PARP1: variants seen among roughly 807,000 people sequenced by gnomAD.
PARP1 encodes poly(ADP-ribose) polymerase 1.
PARP1 carries 44 observed loss-of-function variants against 118.7 expected under a neutral mutation model. The observed-to-expected ratio is 0.37, with a 90% CI of 0.29 to 0.48. PARP1 has a LOEUF of 0.48. Among genes scored for constraint, PARP1 ranks in the 20% least tolerant of loss-of-function variants. The pLI is 0.99. For missense variants in PARP1, 1,100 were observed against 1,272.4 expected (o/e 0.86, Z 2.06); for synonymous variants, 492 against 483.2 (o/e 1.02, Z -0.24).
intron 1 of PARP1, among the ~76,000 whole-genome samples, chr1:226,403,921 T>C (rs1186212989): frequency 2.6e-5 from 4 of 152,210 alleles, no homozygotes; most frequent in Non-Finnish European, 5.9e-5. Flanking sequence ...GGAAAAGCAA[T>C]GATAAGGTAC....
rs2102732419 is a variant in PARP1, at chr1:226,374,347, T to C, written c.1949A>G (p.Glu650Gly). The change falls in exon 14 of 23, where the codon GAG becomes GGG. Residue 650 changes from glutamate (E) to glycine (G), a missense_variant. By Grantham distance (98) the Glu-to-Gly change is moderately conservative. This residue lies in a region of PARP1 where 948 missense variants were observed against 1,031.8 expected (regional missense o/e 0.92). Transcript: ENST00000366794. Reference sequence around the variant, plus strand: ...ATTTACTGTCAGCTTCTTCACTGCCTCTTCATCCTTCAGGAAAAAAGCACA... The same window carrying C: ...ATTTACTGTCAGCTTCTTCACTGCCCCTTCATCCTTCAGGAAAAAAGCACA... ...PLEIDYGQDEEAVKKLTVNPG... is the reference protein window; with the variant it reads ...PLEIDYGQDEGAVKKLTVNPG... 6.2e-7 allele frequency: 1 copy of C among 1,614,194 alleles called. No homozygotes were observed. Among genetic ancestry groups the C allele is most frequent in the South Asian group, 1.1e-5 (1 of 91,086 alleles).
rs757894757 is a variant in PARP1 at position 226,379,175 on chromosome 1, T to C, written c.1712A>G (p.Lys571Arg). The change falls in exon 12 of 23, where the codon AAG (lysine) becomes AGG (arginine). Residue 571 changes from lysine to arginine, a missense_variant. This residue lies in a region of PARP1 where 948 missense variants were observed against 1,031.8 expected (regional missense o/e 0.92). Coordinates refer to ENST00000366794, the MANE Select transcript of PARP1 (RefSeq NM_001618.4). ...CTTGTCGTCCTCCAGAAGCTGCAGC[T>C]TGTAGTAGGAGTTGGTTCCTTTAAC... ...DIVKGTNSYY[K>R]LQLLEDDKEN... 1 of 1,614,194 alleles carries C rather than the reference T, an allele frequency of 6.2e-7. No homozygotes were observed. The highest frequency in any genetic ancestry group is 8.5e-7 in the Non-Finnish European group (1 of 1,180,022).
At chr1:226,401,885 A>C in intron 2 of PARP1, 1 of 1,027,100 alleles carries the variant, frequency 9.7e-7, no homozygotes, top group East Asian at 2.7e-5. Context: ...GTTGACAAGG[A>C]AGAGCCTGTG....
In PARP1 at chr1:226,367,706, C is replaced by A. The variant is rs966557568; in HGVS notation, c.2278-98G>T. ...AAACCTACATGCAGAGAAGGTCCAA[C>A]ACAGTGAATGGCAAACCCTCCTGCT... On this transcript the variant is annotated intron_variant, in intron 16 of 22. Transcript: ENST00000366794. 1.5e-5 allele frequency: 21 copies of A among 1,391,212 alleles called. No homozygotes were observed. The Admixed American group carries it at 2.2e-4, about 15-fold the overall frequency. The allele number at this position is 1,391,212 out of a possible 1,614,324, so 86.2% of individuals were successfully genotyped here.
chr1:226,390,014 C>A (rs1255795694), intron 4 of PARP1, among the ~76,000 whole-genome samples: 1 of 152,188 alleles, frequency 6.6e-6, no homozygotes, highest in African/African-American at 2.4e-5. Flanking sequence ...AAAATGGTCA[C>A]CATTCTCCCA....
intron 2 of PARP1, among the ~76,000 whole-genome samples, chr1:226,393,326 A>C (rs931787823): frequency 1.3e-5 from 2 of 152,234 alleles, no homozygotes; most frequent in Non-Finnish European, 2.9e-5. Flanking sequence ...AAATCAAAGA[A>C]GACCTAAATA....
intron 2 of PARP1, among the ~76,000 whole-genome samples, chr1:226,397,725 G>GT (rs1664952438): frequency 6.6e-6 from 1 of 152,254 alleles, no homozygotes; most frequent in Admixed American, 6.5e-5. Flanking sequence ...TGCCATGACA[G>GT]TAACAAGGTT....
At chr1:226,392,689 A>G (rs1664842614) in intron 2 of PARP1, 2 of 540,784 alleles carry the variant, frequency 3.7e-6, no homozygotes, top group Admixed American at 7.3e-5. Context: ...TCTAATTTCC[A>G]TTATACTTCT....
At chr1:226,404,411 A>ACCCTTCCTGTGCAATGTTCCAGTTACCC in intron 1 of PARP1, among the ~76,000 whole-genome samples, 1 of 152,064 alleles carries the variant, frequency 6.6e-6, no homozygotes, top group Non-Finnish European at 1.5e-5. Flanking sequence ...CTGCTTGTCT[A>ACCCTTCCTGTGCAATGTTCCAGTTACCC]CCCCTTGTCT....
intron 2 of PARP1, chr1:226,401,926 CTT>C (rs1484639181): frequency 2.7e-5 from 38 of 1,408,712 alleles, no homozygotes; most frequent in South Asian, 3.1e-5. Context: ...ACTGGAAACT[CTT>C]TGTTCTTTGC....
chr1:226,401,846 A>G (rs1665043747), intron 2 of PARP1: 10 of 693,978 alleles, frequency 1.4e-5, no homozygotes, highest in Admixed American at 3.4e-5. Flanking sequence ...TTCCTCAATT[A>G]TAACAAATGT....
At position 226,368,449 on chromosome 1, in the gene PARP1, G is replaced by A. The variant is rs1805402; in HGVS notation, c.2155-128C>T. The A allele has an allele frequency of 7.5e-3, 8,726 of 1,171,214 alleles. 376 individuals carry two copies. In the South Asian group the frequency reaches 0.076, roughly 10 times the overall value. The allele number at this position is 1,171,214 out of a possible 1,614,324, so 72.6% of individuals were successfully genotyped here. A position where few individuals can be genotyped will look rare whatever the true frequency, so the allele number is the denominator to read the frequency against. On this transcript the variant is annotated intron_variant, in intron 15 of 22. Coordinates refer to ENST00000366794, the MANE Select transcript of PARP1 (RefSeq NM_001618.4). Reference sequence around the variant, plus strand: ...GTAGCGTGGTATGTGCACATGCCAGGACACATGGGAAACGACCAGAAGACC... The same window carrying A: ...GTAGCGTGGTATGTGCACATGCCAGAACACATGGGAAACGACCAGAAGACC...
At position 226,380,046 on chromosome 1, in the gene PARP1, G is replaced by C; in HGVS notation, c.1419C>G (p.Phe473Leu). The C allele has an allele frequency of 2.5e-6, 4 of 1,614,228 alleles. No individual in the cohort carries two copies. The highest frequency in any genetic ancestry group is 1.7e-5 in the Admixed American group (1 of 60,032). ...CCCAAGGGGACAAGATGTGCGCTAAGAACAACTCCTGAAGGCTCTTGGTGG... is the reference window on the plus strand; with the variant it reads ...CCCAAGGGGACAAGATGTGCGCTAACAACAACTCCTGAAGGCTCTTGGTGG... The part of the protein sequence containing the change: ...SASTKSLQEL[F>L]LAHILSPWGA... Residue 473 changes from phenylalanine (F) to leucine (L), a missense_variant, in exon 10 of 23, where the codon TTC becomes TTG. Transcript: ENST00000366794.
intron 1 of PARP1, 82 bp downstream of exon 1, chr1:226,407,728 G>GGCCCCCCC: frequency 7.8e-7 from 1 of 1,289,834 alleles, no homozygotes; most frequent in Non-Finnish European, 1.0e-6. Context: ...CGCTCCCTGG[G>GGCCCCCCC]CCCGCCCTCC....
At chr1:226,363,593 A>C (rs536211671) in intron 20 of PARP1, among the ~76,000 whole-genome samples, 3 of 152,290 alleles carry the variant, frequency 2.0e-5, no homozygotes, top group Admixed American at 6.5e-5. Flanking sequence ...TTCCAGTTCC[A>C]TTTGGGTTGG....
intron 1 of PARP1, among the ~76,000 whole-genome samples, chr1:226,405,601 C>G (rs1048748231): frequency 4.6e-5 from 7 of 152,116 alleles, no homozygotes; most frequent in African/African-American, 1.4e-4. Flanking sequence ...CCACCAAGCC[C>G]GGCCCCAGAA....
intron 14 of PARP1, 72 bp downstream of exon 14, chr1:226,374,154 C>A: frequency 1.3e-6 from 2 of 1,553,536 alleles, no homozygotes; most frequent in South Asian, 2.2e-5. Flanking sequence ...AACAGGCAGA[C>A]AGCTCTTCAC....
chr1:226,380,943 A>T, intron 9 of PARP1, 125 bp downstream of exon 9: 1 of 1,073,698 alleles, frequency 9.3e-7, no homozygotes, highest in Non-Finnish European at 1.4e-6. Flanking sequence ...ATAAAGAACC[A>T]CAGCGATGAT....
At chr1:226,379,792 A>G (rs1664568700) in intron 10 of PARP1, 130 bp downstream of exon 10, 4 of 1,485,176 alleles carry the variant, frequency 2.7e-6, no homozygotes, top group Non-Finnish European at 3.8e-6. Context: ...AGCGCCTGCC[A>G]TTCTGTGTCC....
Sources: allele counts gnomAD v4.1 joint callset (sites outside exome capture counted in the v4.1 genomes callset), GRCh38; gene constraint gnomAD v4.1.1; regional missense constraint gnomAD v4.1.1; transcripts MANE v1.5; gene names NCBI Gene and HGNC (gene_info 2026-07-23, HGNC 2026-07-21).